The following CAMTA1 variants were observed in gnomAD, a reference collection of about 807,000 sequenced individuals.
The protein encoded by CAMTA1 is calmodulin binding transcription activator 1, also known as calmodulin-binding transcription activator 1.
In CAMTA1, 27 loss-of-function variants were observed where a neutral mutation model predicts 170.9. That is an observed-to-expected ratio of 0.16 (90% CI 0.12 to 0.22). The LOEUF is 0.22. Ranked by LOEUF, CAMTA1 falls within the 10% of genes least tolerant of loss-of-function variation. The pLI is 1.00. For missense variants in CAMTA1, 1,619 were observed against 2,217.2 expected, an observed-to-expected ratio of 0.73 and a Z score of 5.42; for synonymous variants, 833 against 891.5, an observed-to-expected ratio of 0.93 and a Z score of 1.17.
At chr1:7,058,109 TG>T (rs1707641453) in intron 3 of CAMTA1, among the ~76,000 whole-genome samples, 1 of 152,250 alleles carries the variant, frequency 6.6e-6, no homozygotes, top group East Asian at 1.9e-4. Context: ...TCACACCAGA[TG>T]GCTATGGCCC....
At chr1:7,357,256 A>C (rs1237053271) in intron 5 of CAMTA1, among the ~76,000 whole-genome samples, 1 of 152,208 alleles carries the variant, frequency 6.6e-6, no homozygotes, top group Non-Finnish European at 1.5e-5. Context: ...TTCCTCCCTG[A>C]ACACTGCATG....
At chr1:7,362,008 T>C (rs1316859305) in intron 5 of CAMTA1, among the ~76,000 whole-genome samples, 2 of 152,254 alleles carry the variant, frequency 1.3e-5, no homozygotes, top group Non-Finnish European at 2.9e-5. Flanking sequence ...TCCATACATA[T>C]GTCTTAGAAA....
At chr1:6,802,968 A>T (rs1205520506) in intron 1 of CAMTA1, among the ~76,000 whole-genome samples, 1 of 151,412 alleles carries the variant, frequency 6.6e-6, no homozygotes, top group African/African-American at 2.4e-5. Flanking sequence ...CTGGTCTTGA[A>T]CTCTTGGCCA....
chr1:7,656,327 G>T (rs976465909), intron 7 of CAMTA1, among the ~76,000 whole-genome samples: 4 of 152,144 alleles, frequency 2.6e-5, no homozygotes, highest in African/African-American at 9.7e-5. Flanking sequence ...TCTCTTCCTG[G>T]GTTGCAGACA....
rs34691728 is a variant in CAMTA1 at position 7,213,612 on chromosome 1, C to CTT, written c.303-35872_303-35871dup. Among the ~76,000 whole-genome samples, 450 of 151,348 alleles carry CTT rather than the reference C, an allele frequency of 3.0e-3. 11 individuals carry two copies. In the East Asian group the frequency reaches 0.058, roughly 19 times the overall value. On this transcript the variant is annotated intron_variant, in intron 4 of 22. Transcript: ENST00000303635. ...TATTTTTTTTCTTTTTTTTAAATTT[C>CTT]TTTTTTTTATTATACTTTAAGTTTT...
chr1:7,465,465 A>G (rs1193242), intron 5 of CAMTA1, among the ~76,000 whole-genome samples: 92,930 of 151,918 alleles, frequency 0.61, 29,730 homozygotes, highest in African/African-American at 0.79. Context: ...CCCACCATCC[A>G]GGGACCACGC....
At chr1:6,954,832 C>G (rs754936867) in intron 3 of CAMTA1, among the ~76,000 whole-genome samples, 3 of 152,064 alleles carry the variant, frequency 2.0e-5, no homozygotes, top group Non-Finnish European at 4.4e-5. Context: ...CCTCCTTGGA[C>G]GCCGCCTTCC....
chr1:7,240,517 T>C (rs1378797654), intron 4 of CAMTA1, among the ~76,000 whole-genome samples: 1 of 149,160 alleles, frequency 6.7e-6, no homozygotes, highest in Non-Finnish European at 1.5e-5. Context: ...GGTTCCAGAG[T>C]CTTTTTTTTT....
rs1349168991 is a variant in CAMTA1 at position 7,144,429 on chromosome 1, A to G, written c.302+53058A>G. 2.0e-5 allele frequency among the ~76,000 whole-genome samples: 3 copies of G among 152,194 alleles called. No homozygotes were observed. Among genetic ancestry groups the G allele is most frequent in the Non-Finnish European group, 4.4e-5 (3 of 68,038 alleles). ...CATCTCCAAATCCCTATCTCCACAC[A>G]GTCACACTGAGGCCACTGAGGGTAA... On this transcript the variant is annotated intron_variant, in intron 4 of 22. Transcript: ENST00000303635. The surrounding 1 kb of genome is among the most constrained non-coding windows in gnomAD (Gnocchi z 4.0).
intron 3 of CAMTA1, among the ~76,000 whole-genome samples, chr1:6,899,506 TTACTTC>T (rs1353137388): frequency 3.3e-5 from 5 of 151,532 alleles, no homozygotes; most frequent in Non-Finnish European, 7.4e-5. Context: ...TGCTTGAGAG[TTACTTC>T]GCTGTTAAAA....
rs151288753 is a variant in CAMTA1, at chr1:7,733,514, T to G, written c.3066+915T>G. Among the ~76,000 whole-genome samples, 9 of 152,300 alleles carry G rather than the reference T, an allele frequency of 5.9e-5. No homozygotes were observed. The East Asian group carries it at 1.7e-3, about 29-fold the overall frequency. On this transcript the variant is annotated intron_variant, in intron 12 of 22. Coordinates refer to ENST00000303635, the MANE Select transcript of CAMTA1 (RefSeq NM_015215.4). The stretch of plus-strand genomic sequence containing the variant: ...CAAGTACGAGTAAATTACCAAACAT[T>G]GTTTCAGAGTCCCATTGGTCTTGAA...
At chr1:7,105,339 C>A (rs755450861) in intron 4 of CAMTA1, among the ~76,000 whole-genome samples, 1 of 152,218 alleles carries the variant, frequency 6.6e-6, no homozygotes, top group African/African-American at 2.4e-5. Flanking sequence ...TGTGAGTTTA[C>A]CCCCTGCCAG....
chr1:7,442,763 A>G (rs2092579314), intron 5 of CAMTA1, among the ~76,000 whole-genome samples: 1 of 152,184 alleles, frequency 6.6e-6, no homozygotes, highest in South Asian at 2.1e-4. Flanking sequence ...GACAATATCT[A>G]TGAGGCACTT....
chr1:6,983,520 T>C (rs980206360), intron 3 of CAMTA1, among the ~76,000 whole-genome samples: 4 of 152,254 alleles, frequency 2.6e-5, no homozygotes, highest in African/African-American at 4.8e-5. Context: ...GTAATACTTA[T>C]CACAATTTGT....
chr1:6,864,255 A>C (rs1451707778), intron 3 of CAMTA1, among the ~76,000 whole-genome samples: 1 of 152,136 alleles, frequency 6.6e-6, no homozygotes, highest in East Asian at 1.9e-4. Flanking sequence ...TCCCAAATAA[A>C]TTTCCATTCT....
intron 6 of CAMTA1, among the ~76,000 whole-genome samples, chr1:7,630,292 C>T (rs2095660651): frequency 6.6e-6 from 1 of 152,164 alleles, no homozygotes. Flanking sequence ...GTACATGCAT[C>T]TTTATCTGCT....
At position 6,813,496 on chromosome 1, in the gene CAMTA1, A is replaced by G. The variant is rs79578524; in HGVS notation, c.46-6685A>G. Among the ~76,000 whole-genome samples, 12 of 145,270 alleles carry G rather than the reference A, an allele frequency of 8.3e-5. No individual in the cohort carries two copies. In the East Asian group the frequency reaches 1.6e-3, roughly 19 times the overall value. Reference sequence around the variant, plus strand: ...TCCTTTTAAGTTTTTTTTTTTTTTTAAGCAGGTTTAAAGTAGCTTTTATCA... The same window carrying G: ...TCCTTTTAAGTTTTTTTTTTTTTTTGAGCAGGTTTAAAGTAGCTTTTATCA... On this transcript the variant is annotated intron_variant, in intron 1 of 22. Transcript: ENST00000303635.
chr1:7,488,192 G>A (rs1175391890), intron 6 of CAMTA1, among the ~76,000 whole-genome samples: 4 of 152,164 alleles, frequency 2.6e-5, no homozygotes, highest in South Asian at 2.1e-4. Context: ...CTCTCTAGGT[G>A]CTTGATCCCA....
At chr1:7,688,257 G>A (rs1009520726) in intron 11 of CAMTA1, among the ~76,000 whole-genome samples, 8 of 151,910 alleles carry the variant, frequency 5.3e-5, no homozygotes, top group East Asian at 1.9e-4. Context: ...CACCTGCCTC[G>A]GCCTCCCAAA....
Sources: gnomAD v4.1 joint callset for allele counts (sites outside exome capture counted in the v4.1 genomes callset) on GRCh38, gnomAD v4.1.1 for gene constraint, Gnocchi (gnomAD v3.1) non-coding constraint, MANE v1.5 for transcripts, NCBI Gene and HGNC (gene_info 2026-07-23, HGNC 2026-07-21) for gene names.